SYNE3: variants seen among roughly 807,000 people sequenced by gnomAD.
The protein encoded by SYNE3 is spectrin repeat containing nuclear envelope family member 3.
A neutral mutation model predicts 111.2 loss-of-function variants in SYNE3; 100 were observed. That is an observed-to-expected ratio of 0.90 (90% CI 0.77 to 1.06). SYNE3 has a LOEUF of 1.06. SYNE3 is among the 50% of genes least tolerant of loss of function. The probability of loss-of-function intolerance (pLI) is 0.00; values close to 1 mark genes in which losing one functional copy is unlikely to be tolerated. For synonymous variants in SYNE3, 547 were observed against 533.9 expected, an observed-to-expected ratio of 1.02 and a Z score of -0.34; for missense variants, 1,160 against 1,240.3, an observed-to-expected ratio of 0.94 and a Z score of 0.97.
Position 95,414,057 on chromosome 14 carries a change from T to C in SYNE3, c.*3769A>G, listed in dbSNP as rs751039683. The C allele has an allele frequency of 6.6e-6, 1 of 152,158 alleles. No homozygotes were observed. Among genetic ancestry groups the C allele is most frequent in the Non-Finnish European group, 1.5e-5 (1 of 68,060 alleles). 9.4% of individuals were successfully genotyped at this position (152,158 alleles called of 1,614,324 possible). On this transcript the variant is annotated 3_prime_UTR_variant, in exon 18 of 18. Coordinates refer to ENST00000682763, the MANE Select transcript of SYNE3 (RefSeq NM_152592.6). Reference sequence around the variant, plus strand: ...TGAGGGCAGTCCCTCAGGGAAACATTTGGATGCTCCGCTCTGGCCATGTCC... The same window carrying C: ...TGAGGGCAGTCCCTCAGGGAAACATCTGGATGCTCCGCTCTGGCCATGTCC...
At chr14:95,462,100 C>T (rs1309214568) in intron 4 of SYNE3, among the ~76,000 whole-genome samples, 4 of 152,178 alleles carry the variant, frequency 2.6e-5, no homozygotes, top group Non-Finnish European at 5.9e-5. Flanking sequence ...TCTGGATCCA[C>T]GAAAGCTCCA....
chr14:95,501,373 C>T (rs910456843), intron 1 of SYNE3, among the ~76,000 whole-genome samples: 5 of 152,304 alleles, frequency 3.3e-5, no homozygotes, highest in East Asian at 1.9e-4. Context: ...GCCTGTCATA[C>T]GGGAGGCCTC....
intron 17 of SYNE3, among the ~76,000 whole-genome samples, chr14:95,425,475 GA>G (rs927155425): frequency 5.3e-5 from 8 of 152,146 alleles, no homozygotes; most frequent in African/African-American, 1.9e-4. Context: ...TGGAGAACGG[GA>G]TTTTCAGGGC....
At chr14:95,503,015 T>C (rs1377702857) in intron 1 of SYNE3, among the ~76,000 whole-genome samples, 2 of 152,112 alleles carry the variant, frequency 1.3e-5, no homozygotes, top group African/African-American at 4.8e-5. Context: ...CCCAAGAATC[T>C]AAGGCACGGG....
intron 1 of SYNE3, among the ~76,000 whole-genome samples, chr14:95,481,888 A>G (rs902658417): frequency 1.3e-5 from 2 of 152,232 alleles, no homozygotes; most frequent in Non-Finnish European, 2.9e-5. Context: ...CCTGGCACTG[A>G]AAAAACGCCC....
chr14:95,436,735 T>G, intron 15 of SYNE3, 85 bp downstream of exon 15: 3 of 1,484,822 alleles, frequency 2.0e-6, no homozygotes, highest in Non-Finnish European at 2.8e-6. Context: ...TGTGGGTGTG[T>G]TCCTTCTTTT....
Position 95,439,028 on chromosome 14 carries a change from C to T in SYNE3, c.2376+5G>A. On this transcript the variant is annotated splice_donor_5th_base_variant and intron_variant, in intron 14 of 17. Coordinates refer to ENST00000682763, the MANE Select transcript of SYNE3 (RefSeq NM_152592.6). ...TTCTCCCACAGCCCTGCTAGACAGACTCACGCGTCGACGATGCCTGGGAAT... is the reference window on the plus strand; with the variant it reads ...TTCTCCCACAGCCCTGCTAGACAGATTCACGCGTCGACGATGCCTGGGAAT... 1 of 1,613,970 alleles carries T rather than the reference C, an allele frequency of 6.2e-7. No individual in the cohort carries two copies. Among genetic ancestry groups the T allele is most frequent in the Middle Eastern group, 1.7e-4 (1 of 5,856 alleles).
At position 95,449,972 on chromosome 14, in the gene SYNE3, G is replaced by T; in HGVS notation, c.1408C>A (p.Pro470Thr). 1 of 1,554,736 alleles carries T rather than the reference G, an allele frequency of 6.4e-7. No individual in the cohort carries two copies. The highest frequency in any genetic ancestry group is 1.4e-5 in the African/African-American group (1 of 73,410). The change falls in exon 8 of 18, where the codon CCG (proline) becomes ACG (threonine). Residue 470 changes from proline to threonine, a missense_variant. Transcript: ENST00000682763. ...AAGGTGTGAAGGGAAGGCAGGTCCG[G>T]CAGGCTGGCAGTGACCTCCAAGAGC... is the stretch of plus-strand genomic sequence containing the variant. ...QRLLEVTASL[P>T]DLPSLHTFLP...
At position 95,447,677 on chromosome 14, in the gene SYNE3, A is replaced by C. The variant is rs75670071; in HGVS notation, c.1450-1586T>G. 1.2e-3 allele frequency among the ~76,000 whole-genome samples: 190 copies of C among 152,292 alleles called. 1 individual carries two copies. The highest frequency in any genetic ancestry group is 3.4e-3 in the Middle Eastern group (1 of 294). ...CAGTCACACAGAGGTCAAGCCTCTC[A>C]CTGTAGGGGAGTCAGTCACCTTTAC... On this transcript the variant is annotated intron_variant, in intron 8 of 17. Transcript: ENST00000682763.
intron 1 of SYNE3, among the ~76,000 whole-genome samples, chr14:95,504,622 G>A (rs534318551): frequency 4.6e-5 from 7 of 152,286 alleles, no homozygotes; most frequent in Admixed American, 4.6e-4. Context: ...AGCACTATCT[G>A]AATCATTGCT....
intron 1 of SYNE3, among the ~76,000 whole-genome samples, chr14:95,478,104 C>T (rs1272014677): frequency 3.3e-5 from 5 of 152,158 alleles, no homozygotes; most frequent in South Asian, 2.1e-4. Context: ...CCCAGGGACC[C>T]GGTGGGGTTG....
rs779628602 is a variant in SYNE3, at chr14:95,444,601, C to A, written c.1660G>T (p.Gly554Ter). 1.2e-6 allele frequency: 2 copies of A among 1,610,254 alleles called. No homozygotes were observed. The highest frequency in any genetic ancestry group is 3.4e-5 in the Admixed American group (2 of 59,626). Residue 554 changes from glycine (G) to a stop codon, truncating the protein, a stop_gained, in exon 10 of 18, where the codon GGA (glycine) becomes TGA (stop). Coordinates refer to ENST00000682763, the MANE Select transcript of SYNE3 (RefSeq NM_152592.6). LOFTEE classifies it high-confidence loss of function. ...QSLLAQHKDF[G>*]AAFEPLQRKL... ...CTCTGCAGGGGCTCAAAAGCTGCTC[C>A]AAAGTCTTTGTGCTGAGCGAGCAGG...
At chr14:95,422,634 G>T (rs929806152) in intron 17 of SYNE3, among the ~76,000 whole-genome samples, 3 of 152,178 alleles carry the variant, frequency 2.0e-5, no homozygotes, top group African/African-American at 7.2e-5. Context: ...GTCTTAACTG[G>T]GACCTGGCCA....
intron 1 of SYNE3, among the ~76,000 whole-genome samples, 129 bp downstream of exon 1, chr14:95,516,467 C>T (rs1890937932): frequency 6.6e-6 from 1 of 151,886 alleles, no homozygotes; most frequent in Non-Finnish European, 1.5e-5. Context: ...CCAGGTCCCC[C>T]AGACTTTCGG....
chr14:95,433,262 G>A lies in SYNE3; in HGVS notation c.2686C>T (p.Leu896=). 5 of 1,613,610 alleles carry A rather than the reference G, an allele frequency of 3.1e-6. No homozygotes were observed. Among genetic ancestry groups the A allele is most frequent in the Non-Finnish European group, 3.4e-6 (4 of 1,179,724 alleles). ...KSKLKDSGHL[L]TQSSPGEPTG... is the part of the protein sequence containing the mutation. ...ACCTGCACATCCTTGGCACCTACCA[G>A]CAGGTGGCCAGAGTCCTTCAGCTTG... The change falls in exon 16 of 18, where the codon CTG becomes TTG. Residue 896 remains leucine, a splice_region_variant and synonymous_variant. Coordinates refer to ENST00000682763, the MANE Select transcript of SYNE3 (RefSeq NM_152592.6).
intron 17 of SYNE3, among the ~76,000 whole-genome samples, chr14:95,418,859 C>G (rs556050244): frequency 6.6e-6 from 1 of 152,284 alleles, no homozygotes; most frequent in South Asian, 2.1e-4. Flanking sequence ...TCCTTGGCCT[C>G]CCAAAGTGCT....
At position 95,487,321 on chromosome 14, in the gene SYNE3, T is replaced by C. The variant is rs1053479125; in HGVS notation, c.-14-11486A>G. On this transcript the variant is annotated intron_variant, in intron 1 of 17. Transcript: ENST00000682763. The stretch of plus-strand genomic sequence containing the variant: ...TCTTATATTTCTTACACCTTGGAGG[T>C]AGGTCCTGTTATTGTTCCCATTTCT... 3.3e-5 allele frequency among the ~76,000 whole-genome samples: 5 copies of C among 152,194 alleles called. No individual in the cohort carries two copies. In the East Asian group the frequency reaches 9.6e-4, roughly 29 times the overall value.
intron 1 of SYNE3, among the ~76,000 whole-genome samples, chr14:95,484,889 G>A (rs1236093885): frequency 2.0e-5 from 3 of 152,158 alleles, no homozygotes; most frequent in Non-Finnish European, 4.4e-5. Context: ...CGGTGGATTC[G>A]CTCAGTGATT....
intron 11 of SYNE3, among the ~76,000 whole-genome samples, chr14:95,441,787 C>T (rs1354559829): frequency 1.3e-5 from 2 of 152,242 alleles, no homozygotes; most frequent in African/African-American, 2.4e-5. Flanking sequence ...TTAATCGTCA[C>T]TTACACCAAT....
Sources: gnomAD v4.1 joint callset for allele counts (sites outside exome capture counted in the v4.1 genomes callset) on GRCh38, gnomAD v4.1.1 for gene constraint, MANE v1.5 for transcripts, NCBI Gene and HGNC (gene_info 2026-07-23, HGNC 2026-07-21) for gene names.